Variants in ADGRG2 observed in about 807,000 individuals in gnomAD.
ADGRG2 encodes the protein G protein-coupled receptor 64.
In ADGRG2, 26 loss-of-function variants were observed where a neutral mutation model predicts 74.1. That is an observed-to-expected ratio of 0.35 (90% CI 0.26 to 0.49). The LOEUF (loss-of-function observed/expected upper bound fraction) is 0.49. ADGRG2 is among the 20% of genes least tolerant of loss of function. ADGRG2 has a pLI of 0.99. For missense variants in ADGRG2, 619 were observed against 763.1 expected (o/e 0.81, Z 2.22); for synonymous variants, 296 against 295.2 (o/e 1.00, Z -0.03).
chrX:19,095,061 G>A (rs2062073981), intron 1 of ADGRG2, among the ~76,000 whole-genome samples: 1 of 111,935 alleles, frequency 8.9e-6, no homozygotes, highest in African/African-American at 3.2e-5. Flanking sequence ...CTACGAAACT[G>A]GACACAAAAA....
At chrX:19,044,054 T>C (rs1443762297) in intron 3 of ADGRG2, among the ~76,000 whole-genome samples, 2 of 111,637 alleles carry the variant, frequency 1.8e-5, no homozygotes, top group Non-Finnish European at 3.8e-5. Flanking sequence ...TATCTTAGAG[T>C]TCTGCATGTC....
chrX:19,075,795 T>C (rs1298267643), intron 2 of ADGRG2, among the ~76,000 whole-genome samples: 1 of 111,008 alleles, frequency 9.0e-6, no homozygotes, highest in East Asian at 2.8e-4. Context: ...GAAAATATCT[T>C]TGAAGAATGA....
chrX:19,092,226 C>T (rs1171371893), intron 1 of ADGRG2, among the ~76,000 whole-genome samples: 1 of 112,129 alleles, frequency 8.9e-6, no homozygotes, highest in Non-Finnish European at 1.9e-5. Context: ...GGGATGCTTT[C>T]TCGAAATGCT....
At chrX:19,011,901 T>A (rs1322826755) in intron 16 of ADGRG2, among the ~76,000 whole-genome samples, 5 of 111,994 alleles carry the variant, frequency 4.5e-5, no homozygotes, top group African/African-American at 1.6e-4. Context: ...TAAGTCTGAT[T>A]TTTAATAGGG....
chrX:19,033,780 A>T, intron 7 of ADGRG2, 126 bp from the exon 8 acceptor site: 1 of 392,664 alleles, frequency 2.5e-6, no homozygotes, highest in Non-Finnish European at 4.6e-6. Context: ...TTAAGACACT[A>T]TCGGTCATCT....
chrX:18,990,922 C>A lies in ADGRG2; in HGVS notation c.2996G>T (p.Arg999Leu), dbSNP rs766102915. The part of the protein sequence containing the change: ...EKEDSCNGKG[R>L]MALRRTSKRG... ...CTTTGAAGTCCTTCTGAGAGCCATACGGCCTTTCCCATTGCAGGAATCTTC... is the reference window on the plus strand; with the variant it reads ...CTTTGAAGTCCTTCTGAGAGCCATAAGGCCTTTCCCATTGCAGGAATCTTC... Residue 999 changes from arginine (R) to leucine (L), a missense_variant, in exon 29 of 29, where the codon CGT (arginine) becomes CTT (leucine). Physicochemically the swap from Arg to Leu is moderately radical, Grantham distance 102 (BLOSUM62 -2). Around this residue, in one of 3 missense-constraint regions of ADGRG2, gnomAD observed 106 missense variants for 104.5 expected, o/e 1.01. Transcript: ENST00000379869. 2.5e-6 allele frequency: 3 copies of A among 1,205,253 alleles called. No individual in the cohort carries two copies. In the Admixed American group the frequency reaches 6.6e-5, roughly 26 times the overall value.
At chrX:19,057,616 A>G (rs2061425960) in intron 3 of ADGRG2, among the ~76,000 whole-genome samples, 1 of 111,434 alleles carries the variant, frequency 9.0e-6, no homozygotes, top group African/African-American at 3.3e-5. Context: ...GCAGGTGCCC[A>G]GGAGTTTGAG....
intron 1 of ADGRG2, among the ~76,000 whole-genome samples, chrX:19,089,411 C>T (rs1467116936): frequency 9.0e-5 from 10 of 111,199 alleles, no homozygotes; most frequent in African/African-American, 6.5e-5. Flanking sequence ...TATAACAAAC[C>T]TGCACATGTA....
intron 1 of ADGRG2, among the ~76,000 whole-genome samples, chrX:19,117,951 A>T (rs2062552201): frequency 9.0e-6 from 1 of 111,364 alleles, no homozygotes; most frequent in Admixed American, 9.6e-5. Context: ...GGGAAAAAAA[A>T]AAAAAGAATT....
At chrX:19,048,897 G>C (rs1018948379) in intron 3 of ADGRG2, among the ~76,000 whole-genome samples, 2 of 112,087 alleles carry the variant, frequency 1.8e-5, no homozygotes, top group African/African-American at 6.5e-5. Flanking sequence ...TTTGGGAGTG[G>C]GGAAAGCGGG....
chrX:19,006,659 C>T (rs1329671445), intron 20 of ADGRG2, among the ~76,000 whole-genome samples: 1 of 107,013 alleles, frequency 9.3e-6, no homozygotes, highest in African/African-American at 3.4e-5. Flanking sequence ...AGAATCAGAC[C>T]TGCAGCCACA....
chrX:19,021,144 A>G lies in ADGRG2; in HGVS notation c.603T>C (p.Ala201=). Residue 201 remains alanine (A), a synonymous_variant, in exon 14 of 29, where the codon GCT becomes GCC. Transcript: ENST00000379869. ...TTACTCTTTCCAAAGCAGCTATTAC[A>G]GCACATGCATTCATTGTATTATTCA... is the stretch of plus-strand genomic sequence containing the variant. ...IKLNNTMNAC[A]VIAALERVKI... 1 of 1,135,648 alleles carries G rather than the reference A, an allele frequency of 8.8e-7. No homozygotes were observed. The highest frequency in any genetic ancestry group is 1.2e-6 in the Non-Finnish European group (1 of 826,617). 93.6% of individuals were successfully genotyped at this position (1,135,648 alleles called of 1,213,427 possible). A position where few individuals can be genotyped will look rare whatever the true frequency, so the allele number is the denominator to read the frequency against.
chrX:19,042,286 C>T (rs1433298028), intron 3 of ADGRG2, among the ~76,000 whole-genome samples: 3 of 111,345 alleles, frequency 2.7e-5, no homozygotes, highest in African/African-American at 9.8e-5. Flanking sequence ...TATGGACTAC[C>T]CTCAGAATGA....
chrX:19,011,083 A>T (rs1201468066), intron 16 of ADGRG2, among the ~76,000 whole-genome samples: 2 of 112,312 alleles, frequency 1.8e-5, no homozygotes, highest in Non-Finnish European at 3.8e-5. Flanking sequence ...ACACAATGGC[A>T]TGGGTGGATC....
chrX:19,087,951 G>A (rs796881952), intron 1 of ADGRG2, among the ~76,000 whole-genome samples: 1 of 110,401 alleles, frequency 9.1e-6, no homozygotes, highest in East Asian at 2.8e-4. Context: ...AATGTTGCTG[G>A]TCACCTCTGC....
intron 1 of ADGRG2, among the ~76,000 whole-genome samples, chrX:19,087,837 C>T (rs1300663130): frequency 1.8e-5 from 2 of 111,396 alleles, no homozygotes; most frequent in African/African-American, 3.3e-5. Context: ...CTCCAGTCTT[C>T]TCTCCCTCTT....
rs2060581288 is a variant in ADGRG2 at position 19,021,186 on chromosome X, A to G, written c.561T>C (p.Cys187=). ...TATTATTCAGTTTTATTGTGAATGT[A>G]CAATTTAATGTGCTGTAAGGAGAAA... ...ATAEAQSTLN[C]TFTIKLNNTM... Residue 187 remains cysteine, a synonymous_variant, in exon 14 of 29, where the codon TGT becomes TGC. Transcript: ENST00000379869. The G allele has an allele frequency of 2.0e-6, 2 of 1,004,360 alleles. No individual in the cohort carries two copies. Among genetic ancestry groups the G allele is most frequent in the Non-Finnish European group, 1.4e-6 (1 of 707,706 alleles). The allele number at this position is 1,004,360 out of a possible 1,213,427, so 82.8% of individuals were successfully genotyped here.
At chrX:19,117,488 A>T (rs867284969) in intron 1 of ADGRG2, among the ~76,000 whole-genome samples, 97 of 110,366 alleles carry the variant, frequency 8.8e-4, no homozygotes, top group African/African-American at 2.9e-3. Flanking sequence ...GAACATTATT[A>T]AAAAAACCTC....
intron 18 of ADGRG2, among the ~76,000 whole-genome samples, chrX:19,008,953 A>G (rs920904267): frequency 9.0e-6 from 1 of 111,623 alleles, no homozygotes; most frequent in Non-Finnish European, 1.9e-5. Context: ...AGAAAACACT[A>G]GAAACAGGAA....
Sources: gnomAD v4.1 joint callset for allele counts (sites outside exome capture counted in the v4.1 genomes callset) on GRCh38, gnomAD v4.1.1 for gene constraint, gnomAD v4.1.1 regional missense constraint, MANE v1.5 for transcripts, NCBI Gene and HGNC (gene_info 2026-07-23, HGNC 2026-07-21) for gene names.